ALOXE3: variants seen among roughly 807,000 people sequenced by gnomAD.
The protein encoded by ALOXE3 is arachidonate epidermal lipoxygenase 3.
Under a neutral mutation model 87.5 loss-of-function variants are expected in ALOXE3, and 78 were observed. That is an observed-to-expected ratio of 0.89 (90% CI 0.74 to 1.08). The LOEUF is 1.08. Ranked by LOEUF, ALOXE3 falls within the 50% of genes least tolerant of loss-of-function variation. The pLI is 0.00. For missense variants in ALOXE3, 946 were observed against 912.4 expected, an observed-to-expected ratio of 1.04 and a Z score of -0.47; for synonymous variants, 363 against 370.8, an observed-to-expected ratio of 0.98 and a Z score of 0.24.
chr17:8,108,439 A>C, intron 13 of ALOXE3, 29 bp downstream of exon 13: 1 of 1,610,116 alleles, frequency 6.2e-7, no homozygotes, highest in South Asian at 1.1e-5. Flanking sequence ...CATCAGAGCT[A>C]CACGGAAAGT....
chr17:8,114,538 T>G lies in ALOXE3; in HGVS notation c.626A>C (p.Asn209Thr), dbSNP rs749864879. ...CGTCTTGGTGGCTGAGTATCGAACA[T>G]TGGGCTCCATGTACATCAGGGATGG... ...DIPSLMYMEPNVRYSATKTIS... is the reference protein window; with the variant it reads ...DIPSLMYMEPTVRYSATKTIS... The change falls in exon 6 of 16, where the codon AAT (asparagine) becomes ACT (threonine). Residue 209 changes from asparagine to threonine, a missense_variant. Transcript: ENST00000448843. The G allele has an allele frequency of 6.2e-7, 1 of 1,613,834 alleles. No homozygotes were observed. Among genetic ancestry groups the G allele is most frequent in the East Asian group, 2.2e-5 (1 of 44,874 alleles).
At chr17:8,104,797 A>G (rs950401097) in intron 13 of ALOXE3, among the ~76,000 whole-genome samples, 6 of 152,172 alleles carry the variant, frequency 3.9e-5, no homozygotes, top group Non-Finnish European at 7.3e-5. Context: ...TGAAAGATGG[A>G]TGAGCCTCCA....
At chr17:8,114,154 CT>C (rs1411587053) in intron 6 of ALOXE3, among the ~76,000 whole-genome samples, 1 of 152,044 alleles carries the variant, frequency 6.6e-6, no homozygotes, top group East Asian at 1.9e-4. Context: ...CACTCACTCA[CT>C]CACTGCACAC....
At chr17:8,111,678 A>G (rs1980103217) in intron 7 of ALOXE3, 147 bp from the exon 8 acceptor site, 4 of 799,360 alleles carry the variant, frequency 5.0e-6, no homozygotes, top group Admixed American at 2.1e-5. Flanking sequence ...ATTTAATACT[A>G]GACACTAAGG....
intron 6 of ALOXE3, among the ~76,000 whole-genome samples, chr17:8,112,431 A>C (rs1980178062): frequency 6.6e-6 from 1 of 152,180 alleles, no homozygotes; most frequent in Non-Finnish European, 1.5e-5. Context: ...TAAAGTTGGC[A>C]CACACGGCCC....
At chr17:8,105,000 G>A (rs559273274) in intron 13 of ALOXE3, among the ~76,000 whole-genome samples, 9 of 152,156 alleles carry the variant, frequency 5.9e-5, no homozygotes, top group Non-Finnish European at 1.0e-4. Flanking sequence ...AGACTCAGCC[G>A]TGGGCATTAC....
At position 8,118,391 on chromosome 17, in the gene ALOXE3, C is replaced by T. The variant is rs759382048; in HGVS notation, c.-313-88G>A. On this transcript the variant is annotated intron_variant, in intron 1 of 15. Transcript: ENST00000448843. ...CACTGCCCTCCGCCTGGTCAGCGGC[C>T]CGGACTGATGCCCTGGAGTGCTTGT... The T allele has an allele frequency of 7.7e-6, 12 of 1,551,264 alleles. No individual in the cohort carries two copies. In the South Asian group the frequency reaches 8.3e-5, roughly 11 times the overall value.
At chr17:8,107,874 A>G (rs998115475) in intron 13 of ALOXE3, among the ~76,000 whole-genome samples, 228 of 3,686 alleles carry the variant, frequency 0.062, 12 homozygotes, top group Non-Finnish European at 0.11. Flanking sequence ...AGAAAGAAAG[A>G]AAGAAAGAAA....
At chr17:8,101,266 GA>G (rs1978906288) in intron 15 of ALOXE3, among the ~76,000 whole-genome samples, 3 of 152,242 alleles carry the variant, frequency 2.0e-5, no homozygotes, top group Non-Finnish European at 4.4e-5. Flanking sequence ...GACCTCAGGT[GA>G]TCCACCCACC....
Position 8,118,267 on chromosome 17 carries a change from T to C in ALOXE3, c.-277A>G. 2 of 1,551,750 alleles carry C rather than the reference T, an allele frequency of 1.3e-6. No individual in the cohort carries two copies. Among genetic ancestry groups the C allele is most frequent in the Middle Eastern group, 3.3e-4 (2 of 5,992 alleles). On this transcript the variant is annotated 5_prime_UTR_variant, in exon 2 of 16. Coordinates refer to ENST00000448843, the MANE Select transcript of ALOXE3 (RefSeq NM_021628.3). ...CTCTGACACAGCCGGTCCCTCTGGC[T>C]GGCTCACCCAGATGGATATCAGGAG...
chr17:8,096,287 G>T lies in ALOXE3; in HGVS notation c.*340C>A, dbSNP rs571489727. The T allele has an allele frequency of 5.4e-5, 14 of 257,854 alleles. No homozygotes were observed. The highest frequency in any genetic ancestry group is 9.7e-5 in the Non-Finnish European group (13 of 133,510). The allele number at this position is 257,854 out of a possible 1,614,324, so 16.0% of individuals were successfully genotyped here. ...TTTGGGGATTGGGGAGGATGAGGGA[G>T]AAAAGCTCAGAAACCCAAGCTGGGC... is the stretch of plus-strand genomic sequence containing the variant. On this transcript the variant is annotated 3_prime_UTR_variant, in exon 16 of 16. Transcript: ENST00000448843.
intron 13 of ALOXE3, among the ~76,000 whole-genome samples, chr17:8,105,062 A>G (rs1979191891): frequency 6.6e-6 from 1 of 152,022 alleles, no homozygotes; most frequent in African/African-American, 2.4e-5. Flanking sequence ...ACCACCTCAC[A>G]CTGCACACTG....
chr17:8,098,672 T>C (rs917642361), intron 15 of ALOXE3, among the ~76,000 whole-genome samples: 3 of 152,212 alleles, frequency 2.0e-5, no homozygotes, highest in African/African-American at 7.2e-5. Context: ...TGCATCTTTA[T>C]TGACGTAATG....
chr17:8,115,169 T>G lies in ALOXE3; in HGVS notation c.435-112A>C, dbSNP rs537049303. The G allele has an allele frequency of 5.5e-5, 78 of 1,425,972 alleles. 1 individual carries two copies. The South Asian group carries it at 8.6e-4, about 16-fold the overall frequency. The allele number at this position is 1,425,972 out of a possible 1,614,324, so 88.3% of individuals were successfully genotyped here. A position where few individuals can be genotyped will look rare whatever the true frequency, so the allele number is the denominator to read the frequency against. On this transcript the variant is annotated intron_variant, in intron 4 of 15. Transcript: ENST00000448843. The stretch of plus-strand genomic sequence containing the variant: ...CTTCAAAAACCACCTACTTTCTGGA[T>G]GAGTGACAAGGAATTGGACATTTCT...
At chr17:8,116,634 C>G in intron 3 of ALOXE3, 142 bp downstream of exon 3, 2 of 1,056,584 alleles carry the variant, frequency 1.9e-6, no homozygotes, top group Non-Finnish European at 2.8e-6. Flanking sequence ...GAGAGGCTCC[C>G]TTTTTTCAGA....
At chr17:8,101,853 T>G (rs1978942802) in intron 15 of ALOXE3, among the ~76,000 whole-genome samples, 2 of 152,148 alleles carry the variant, frequency 1.3e-5, no homozygotes, top group African/African-American at 4.8e-5. Context: ...TTTCCTAGGC[T>G]GCTCTTGAAT....
chr17:8,118,507 A>T lies in ALOXE3; in HGVS notation c.-335T>A. The T allele has an allele frequency of 6.5e-7, 1 of 1,539,152 alleles. No homozygotes were observed. The highest frequency in any genetic ancestry group is 8.7e-7 in the Non-Finnish European group (1 of 1,144,120). ...GCACCTGCATTCCTACGTGTGAATCATCCGTGTGAATCACTAAACAGTGGA... is the reference window on the plus strand; with the variant it reads ...GCACCTGCATTCCTACGTGTGAATCTTCCGTGTGAATCACTAAACAGTGGA... On this transcript the variant is annotated 5_prime_UTR_variant, in exon 1 of 16. It removes an upstream start codon present in the reference 5' UTR. Transcript: ENST00000448843.
At chr17:8,097,263 A>G (rs778097727) in intron 15 of ALOXE3, among the ~76,000 whole-genome samples, 6 of 152,218 alleles carry the variant, frequency 3.9e-5, no homozygotes, top group Non-Finnish European at 5.9e-5. Flanking sequence ...CCAAAGCACT[A>G]GAATTACAGG....
chr17:8,102,946 A>G (rs1278968453), intron 15 of ALOXE3, among the ~76,000 whole-genome samples: 1 of 152,196 alleles, frequency 6.6e-6, no homozygotes, highest in Admixed American at 6.5e-5. Flanking sequence ...ATTGACCTGT[A>G]TGTCTCCTCA....
Sources: gnomAD v4.1 joint callset for allele counts (sites outside exome capture counted in the v4.1 genomes callset) on GRCh38, gnomAD v4.1.1 for gene constraint, MANE v1.5 for transcripts, NCBI Gene and HGNC (gene_info 2026-07-23, HGNC 2026-07-21) for gene names.